Variants in WASF2 observed in about 807,000 individuals in gnomAD.
WASF2 encodes WASP family member 2, also known as actin-binding protein WASF2.
A neutral mutation model predicts 45.0 loss-of-function variants in WASF2; 14 were observed. The observed-to-expected ratio is 0.31, with a 90% CI of 0.21 to 0.49. The LOEUF (loss-of-function observed/expected upper bound fraction) is 0.49. WASF2 is among the 20% of genes least tolerant of loss of function. The pLI, the probability that WASF2 is intolerant of heterozygous loss-of-function variation, is 0.99. For missense variants in WASF2, 439 were observed against 636.1 expected, an observed-to-expected ratio of 0.69 and a Z score of 3.33; for synonymous variants, 200 against 236.3, an observed-to-expected ratio of 0.85 and a Z score of 1.41.
chr1:27,444,447 T>C (rs2017286507), intron 1 of WASF2, among the ~76,000 whole-genome samples: 1 of 152,198 alleles, frequency 6.6e-6, no homozygotes. Flanking sequence ...CAGCACCCAG[T>C]AGGTATTCAG....
Position 27,406,949 on chromosome 1 carries a change from A to G in WASF2, c.*1240T>C, listed in dbSNP as rs2016685817. The G allele has an allele frequency of 6.6e-6, 1 of 152,272 alleles. No homozygotes were observed. Among genetic ancestry groups the G allele is most frequent in the Non-Finnish European group, 1.5e-5 (1 of 68,062 alleles). The allele number at this position is 152,272 out of a possible 1,614,324, so 9.4% of individuals were successfully genotyped here. A position where few individuals can be genotyped will look rare whatever the true frequency, so the allele number is the denominator to read the frequency against. ...AGGAATTGAAAGCAGCACCTGTCAA[A>G]GCTGCCTATCCCCTTCCTTCTCTCA... On this transcript the variant is annotated 3_prime_UTR_variant, in exon 9 of 9. Coordinates refer to ENST00000618852, the MANE Select transcript of WASF2 (RefSeq NM_006990.5).
chr1:27,455,824 A>G (rs2017459074), intron 1 of WASF2, among the ~76,000 whole-genome samples: 1 of 152,174 alleles, frequency 6.6e-6, no homozygotes, highest in Non-Finnish European at 1.5e-5. Flanking sequence ...ATCTACTCCA[A>G]GAGAACTCTA....
intron 1 of WASF2, among the ~76,000 whole-genome samples, chr1:27,452,010 C>T (rs1011395126): frequency 6.6e-6 from 1 of 152,184 alleles, no homozygotes; most frequent in African/African-American, 2.4e-5. Context: ...ACTGTATTCA[C>T]CTGTTTTTGA....
intron 1 of WASF2, among the ~76,000 whole-genome samples, chr1:27,481,316 C>T (rs759196755): frequency 6.6e-6 from 1 of 151,292 alleles, no homozygotes; most frequent in South Asian, 2.1e-4. Flanking sequence ...AAAAATAACG[C>T]ATGTGTGTAT....
chr1:27,470,824 A>G (rs529974141), intron 1 of WASF2, among the ~76,000 whole-genome samples: 2 of 152,204 alleles, frequency 1.3e-5, no homozygotes, highest in Non-Finnish European at 2.9e-5. Flanking sequence ...AAACCTACAT[A>G]AAAGGTATAA....
At chr1:27,448,832 A>C (rs1571144608) in intron 1 of WASF2, among the ~76,000 whole-genome samples, 2 of 130,770 alleles carry the variant, frequency 1.5e-5, no homozygotes, top group Admixed American at 8.0e-5. Flanking sequence ...AAAGAGAGAG[A>C]CCTCATCTCA....
At chr1:27,488,923 G>T (rs1007765480) in intron 1 of WASF2, among the ~76,000 whole-genome samples, 2 of 152,084 alleles carry the variant, frequency 1.3e-5, no homozygotes, top group Non-Finnish European at 2.9e-5. Flanking sequence ...AAATTCTCAA[G>T]AGTCACTGTA....
intron 1 of WASF2, among the ~76,000 whole-genome samples, chr1:27,463,859 A>G (rs921518348): frequency 6.7e-6 from 1 of 149,646 alleles, no homozygotes; most frequent in South Asian, 2.1e-4. Context: ...CTGGAGTACA[A>G]TGGCAGGATC....
chr1:27,438,620 T>C (rs1173232816), intron 1 of WASF2, among the ~76,000 whole-genome samples: 1 of 152,206 alleles, frequency 6.6e-6, no homozygotes, highest in Non-Finnish European at 1.5e-5. Flanking sequence ...AAATGTTTTG[T>C]TGACACTTCA....
chr1:27,451,052 GA>G (rs939560148), intron 1 of WASF2, among the ~76,000 whole-genome samples: 7 of 143,168 alleles, frequency 4.9e-5, no homozygotes, highest in South Asian at 2.2e-4. Context: ...CTCTTAAAAA[GA>G]AAAAAAAAAG....
chr1:27,447,380 G>C (rs1214037681), intron 1 of WASF2, among the ~76,000 whole-genome samples: 1 of 152,134 alleles, frequency 6.6e-6, no homozygotes, highest in East Asian at 1.9e-4. Flanking sequence ...CAATGAAATA[G>C]ATTTTTCCCG....
rs573338175 is a variant in WASF2, at chr1:27,433,588, G to T, written c.-43-4655C>A. Reference sequence around the variant, plus strand: ...CACAGGAGTTATATTTGGGCAGAAGGCTGGAAGTAAGAAGACCAATTGGGA... The same window carrying T: ...CACAGGAGTTATATTTGGGCAGAAGTCTGGAAGTAAGAAGACCAATTGGGA... On this transcript the variant is annotated intron_variant, in intron 1 of 8. Transcript: ENST00000618852. Among the ~76,000 whole-genome samples, 4 of 152,292 alleles carry T rather than the reference G, an allele frequency of 2.6e-5. No individual in the cohort carries two copies. In the East Asian group the frequency reaches 7.7e-4, roughly 29 times the overall value.
chr1:27,443,514 G>A (rs901657989), intron 1 of WASF2, among the ~76,000 whole-genome samples: 15 of 151,520 alleles, frequency 9.9e-5, no homozygotes, highest in South Asian at 2.1e-4. Context: ...TTGGGAGGCC[G>A]AGGCAGGAGA....
intron 1 of WASF2, among the ~76,000 whole-genome samples, chr1:27,485,784 T>G (rs955610357): frequency 1.3e-5 from 2 of 152,204 alleles, no homozygotes; most frequent in Non-Finnish European, 2.9e-5. Context: ...TGATCTCAGC[T>G]CACTGCAACC....
intron 1 of WASF2, among the ~76,000 whole-genome samples, chr1:27,443,090 G>T (rs928864401): frequency 8.6e-5 from 13 of 151,534 alleles, no homozygotes; most frequent in African/African-American, 3.2e-4. Flanking sequence ...CCTGAGCCCA[G>T]GAAGTCGAGC....
rs937284687 is a variant in WASF2 at position 27,414,435 on chromosome 1, C to T, written c.668+398G>A. ...TGATGTGAACAGCTTTCTTGCCTAGCCCTCCCCAGCCCTGAGAGTGAAATG... is the reference window on the plus strand; with the variant it reads ...TGATGTGAACAGCTTTCTTGCCTAGTCCTCCCCAGCCCTGAGAGTGAAATG... On this transcript the variant is annotated intron_variant, in intron 6 of 8. Transcript: ENST00000618852. This position sits in a 1 kb window ranked among gnomAD's most constrained non-coding sequence, Gnocchi z 4.1. Among the ~76,000 whole-genome samples, 2 of 152,204 alleles carry T rather than the reference C, an allele frequency of 1.3e-5. No homozygotes were observed. The highest frequency in any genetic ancestry group is 2.1e-4 in the South Asian group (1 of 4,834).
chr1:27,421,933 G>A (rs1291543563), intron 2 of WASF2, among the ~76,000 whole-genome samples: 1 of 151,840 alleles, frequency 6.6e-6, no homozygotes. Context: ...CCCAGATCAT[G>A]CCACTGTACT....
At chr1:27,427,315 C>T (rs937535374) in intron 2 of WASF2, among the ~76,000 whole-genome samples, 2 of 152,032 alleles carry the variant, frequency 1.3e-5, no homozygotes, top group East Asian at 1.9e-4. Flanking sequence ...TGAGAGAGAG[C>T]GTAACTTCAG....
At chr1:27,459,886 T>A (rs2148130619) in intron 1 of WASF2, among the ~76,000 whole-genome samples, 1 of 152,344 alleles carries the variant, frequency 6.6e-6, no homozygotes, top group Admixed American at 6.5e-5. Flanking sequence ...ATTAGAATAA[T>A]TTTGAAAGTT....
Sources: gnomAD v4.1 joint callset for allele counts (sites outside exome capture counted in the v4.1 genomes callset) on GRCh38, gnomAD v4.1.1 for gene constraint, Gnocchi (gnomAD v3.1) non-coding constraint, MANE v1.5 for transcripts, NCBI Gene and HGNC (gene_info 2026-07-23, HGNC 2026-07-21) for gene names.